The following GLIPR2 variants were observed in gnomAD, a reference collection of about 807,000 sequenced individuals.
GLIPR2 encodes Golgi-associated plant pathogenesis-related protein 1.
GLIPR2 carries 21 observed loss-of-function variants against 20.4 expected under a neutral mutation model. The ratio of observed to expected loss-of-function variants is 1.03; its 90% CI spans 0.73 to 1.48. The LOEUF is 1.48. Among genes scored for constraint, GLIPR2 ranks in the 40% most tolerant of loss-of-function variants. The probability of loss-of-function intolerance (pLI) is 0.00; values close to 1 mark genes in which losing one functional copy is unlikely to be tolerated. For missense variants in GLIPR2, 205 were observed against 200.1 expected (o/e 1.02, Z -0.15); for synonymous variants, 91 against 80.5 (o/e 1.13, Z -0.70).
At chr9:36,156,542 C>T (rs1825841382) in intron 4 of GLIPR2, among the ~76,000 whole-genome samples, 1 of 152,166 alleles carries the variant, frequency 6.6e-6, no homozygotes, top group African/African-American at 2.4e-5. Context: ...GAATTCTTTT[C>T]ATCTTCACAG....
At chr9:36,149,178 C>A (rs1051921270) in intron 3 of GLIPR2, among the ~76,000 whole-genome samples, 3 of 152,348 alleles carry the variant, frequency 2.0e-5, no homozygotes, top group South Asian at 4.1e-4. Context: ...AGGTCTCGAT[C>A]TGGAATGATC....
chr9:36,140,609 G>A (rs981827965), intron 1 of GLIPR2, among the ~76,000 whole-genome samples: 1 of 152,158 alleles, frequency 6.6e-6, no homozygotes, highest in South Asian at 2.1e-4. Context: ...GCCTAGGGGA[G>A]GCTGATGCTT....
At chr9:36,160,521 A>G (rs1206120487) in intron 4 of GLIPR2, among the ~76,000 whole-genome samples, 1 of 152,016 alleles carries the variant, frequency 6.6e-6, no homozygotes, top group Non-Finnish European at 1.5e-5. Context: ...GAAAAAGAGA[A>G]GAGGAAGGGA....
intron 4 of GLIPR2, among the ~76,000 whole-genome samples, chr9:36,154,163 C>T (rs1161686931): frequency 2.0e-5 from 3 of 150,060 alleles, no homozygotes; most frequent in African/African-American, 4.9e-5. Context: ...GGCACAATCT[C>T]GGCTCACTGC....
chr9:36,148,396 G>A (rs1241344352), intron 2 of GLIPR2, 151 bp from the exon 3 acceptor site: 8 of 597,700 alleles, frequency 1.3e-5, no homozygotes, highest in Non-Finnish European at 2.1e-5. Flanking sequence ...CTGTGGAATG[G>A]GACTGCTGGG....
intron 4 of GLIPR2, among the ~76,000 whole-genome samples, chr9:36,158,496 C>T (rs1048604595): frequency 1.3e-5 from 2 of 152,192 alleles, no homozygotes; most frequent in Non-Finnish European, 2.9e-5. Flanking sequence ...CCCTCCGTTT[C>T]TTCCTTTCCT....
intron 4 of GLIPR2, among the ~76,000 whole-genome samples, chr9:36,160,976 G>A (rs945480305): frequency 6.6e-6 from 1 of 152,118 alleles, no homozygotes; most frequent in Non-Finnish European, 1.5e-5. Context: ...CAAGGAGGTG[G>A]AGGTTGCAGT....
intron 4 of GLIPR2, among the ~76,000 whole-genome samples, chr9:36,155,875 C>G (rs1396189569): frequency 6.6e-6 from 1 of 152,020 alleles, no homozygotes; most frequent in Non-Finnish European, 1.5e-5. Flanking sequence ...GAGCTCCAGA[C>G]CAGCCTGGAC....
chr9:36,150,314 AG>A (rs1447928481), intron 3 of GLIPR2, among the ~76,000 whole-genome samples: 1 of 152,152 alleles, frequency 6.6e-6, no homozygotes, highest in Non-Finnish European at 1.5e-5. Context: ...TGGCCCGGAG[AG>A]CAGCAGCTCC....
chr9:36,162,258 G>A (rs757014119), intron 4 of GLIPR2, 104 bp from the exon 5 acceptor site: 1 of 1,603,212 alleles, frequency 6.2e-7, no homozygotes, highest in South Asian at 1.1e-5. Context: ...ATGCTGACCT[G>A]AGCCTGGCAA....
At chr9:36,143,017 G>T (rs988976347) in intron 1 of GLIPR2, among the ~76,000 whole-genome samples, 3 of 152,190 alleles carry the variant, frequency 2.0e-5, no homozygotes, top group African/African-American at 7.2e-5. Context: ...CGGACACAGT[G>T]CCTAGCTGCA....
intron 4 of GLIPR2, among the ~76,000 whole-genome samples, chr9:36,160,867 C>A (rs1210619979): frequency 6.6e-6 from 1 of 152,008 alleles, no homozygotes; most frequent in South Asian, 2.1e-4. Context: ...CATGGTGAAA[C>A]CTTGTCTCTA....
intron 4 of GLIPR2, among the ~76,000 whole-genome samples, chr9:36,162,029 G>T (rs1826074785): frequency 6.6e-6 from 1 of 152,158 alleles, no homozygotes; most frequent in Non-Finnish European, 1.5e-5. Flanking sequence ...AAAAAAATTA[G>T]CTGGGCGTGG....
intron 4 of GLIPR2, among the ~76,000 whole-genome samples, chr9:36,152,393 T>G (rs565655110): frequency 6.6e-6 from 1 of 152,328 alleles, no homozygotes; most frequent in South Asian, 2.1e-4. Context: ...ATCGGACATG[T>G]GTCCGAGCAA....
chr9:36,155,713 C>T (rs1433100949), intron 4 of GLIPR2, among the ~76,000 whole-genome samples: 1 of 152,194 alleles, frequency 6.6e-6, no homozygotes, highest in African/African-American at 2.4e-5. Context: ...TTTGTCTCTT[C>T]CCTAAAGAAC....
chr9:36,153,905 AAAAAACAAAAAC>A (rs1364931710), intron 4 of GLIPR2, among the ~76,000 whole-genome samples: 1 of 151,796 alleles, frequency 6.6e-6, no homozygotes, highest in East Asian at 1.9e-4. Context: ...CTGTCTCCAA[AAAAAACAAAAAC>A]AAAAACAAAA....
chr9:36,149,707 G>T (rs983915449), intron 3 of GLIPR2, among the ~76,000 whole-genome samples: 1 of 152,130 alleles, frequency 6.6e-6, no homozygotes, highest in Non-Finnish European at 1.5e-5. Context: ...TACTCTGGTC[G>T]CACATTGGAA....
rs182732901 is a variant in GLIPR2 at position 36,161,579 on chromosome 9, C to T, written c.305-783C>T. Among the ~76,000 whole-genome samples the T allele has an allele frequency of 3.3e-5, 5 of 150,098 alleles. No individual in the cohort carries two copies. In the East Asian group the frequency reaches 5.8e-4, roughly 18 times the overall value. ...ATATCTATAAGTGAGGGCGAGGAGG[C>T]GGAAGAGGAGGCAGTGAGACAGGAG... On this transcript the variant is annotated intron_variant, in intron 4 of 4. Transcript: ENST00000377960.
chr9:36,154,428 G>A (rs934500037), intron 4 of GLIPR2, among the ~76,000 whole-genome samples: 16 of 152,086 alleles, frequency 1.1e-4, no homozygotes, highest in African/African-American at 2.4e-4. Flanking sequence ...GTGTCAGAGC[G>A]TATGACCTGT....
Sources: allele counts gnomAD v4.1 joint callset (sites outside exome capture counted in the v4.1 genomes callset), GRCh38; gene constraint gnomAD v4.1.1; transcripts MANE v1.5; gene names NCBI Gene and HGNC (gene_info 2026-07-23, HGNC 2026-07-21).